The following ATM variants were observed in gnomAD, a reference collection of about 807,000 sequenced individuals.
ATM encodes the protein serine-protein kinase ATM.
Under a neutral mutation model 387.0 loss-of-function variants are expected in ATM, and 308 were observed. That is an observed-to-expected ratio of 0.80 (90% CI 0.73 to 0.87). The LOEUF is 0.87. Among genes scored for constraint, ATM ranks in the 40% least tolerant of loss-of-function variants. ATM has a pLI of 0.00. For synonymous variants in ATM, 1,156 were observed against 1,187.3 expected, an observed-to-expected ratio of 0.97 and a Z score of 0.54; for missense variants, 3,312 against 3,560.9, an observed-to-expected ratio of 0.93 and a Z score of 1.78.
At chr11:108,276,173 T>A (rs2081938357) in intron 22 of ATM, among the ~76,000 whole-genome samples, 1 of 152,244 alleles carries the variant, frequency 6.6e-6, no homozygotes, top group Admixed American at 6.5e-5. Flanking sequence ...TTGCGTATGC[T>A]TCACGATGTT....
intron 35 of ATM, among the ~76,000 whole-genome samples, chr11:108,302,214 C>T (rs1156353507): frequency 6.6e-6 from 1 of 152,054 alleles, no homozygotes; most frequent in African/African-American, 2.4e-5. Flanking sequence ...TCCCTTTTTC[C>T]ATGTTGATAT....
intron 59 of ATM, among the ~76,000 whole-genome samples, chr11:108,350,870 A>G (rs2089118822): frequency 6.6e-6 from 1 of 152,154 alleles, no homozygotes; most frequent in Non-Finnish European, 1.5e-5. Context: ...CCTTTGGAAT[A>G]TTGTTTGGCA....
intron 5 of ATM, among the ~76,000 whole-genome samples, chr11:108,237,410 G>A (rs2079331510): frequency 6.6e-6 from 1 of 151,930 alleles, no homozygotes; most frequent in African/African-American, 2.4e-5. Context: ...ACTATATTCT[G>A]TCATCTAGTT....
chr11:108,258,681 G>A (rs1231335173), intron 15 of ATM, among the ~76,000 whole-genome samples: 2 of 152,142 alleles, frequency 1.3e-5, no homozygotes, highest in Non-Finnish European at 2.9e-5. Flanking sequence ...GTTTTGTAAT[G>A]TGTTTTTCCT....
chr11:108,282,976 A>C, intron 25 of ATM, 97 bp downstream of exon 25: 1 of 768,202 alleles, frequency 1.3e-6, no homozygotes, highest in Non-Finnish European at 2.1e-6. Flanking sequence ...TACCATACCC[A>C]TACACATGTG....
intron 27 of ATM, 144 bp from the exon 28 acceptor site, chr11:108,288,833 T>G (rs991610209): frequency 1.1e-6 from 1 of 896,214 alleles, no homozygotes; most frequent in Non-Finnish European, 1.7e-6. Flanking sequence ...ATTTGTGATT[T>G]TATTGAAAGT....
intron 22 of ATM, among the ~76,000 whole-genome samples, chr11:108,273,487 G>A (rs1306735738): frequency 1.3e-5 from 2 of 151,268 alleles, no homozygotes; most frequent in Non-Finnish European, 2.9e-5. Context: ...GATTACAGGC[G>A]CCTGCCACCA....
chr11:108,239,475 T>G (rs1377699104), intron 5 of ATM, among the ~76,000 whole-genome samples: 1 of 152,218 alleles, frequency 6.6e-6, no homozygotes, highest in African/African-American at 2.4e-5. Flanking sequence ...TTTGTCAGAA[T>G]TTCACCCTTA....
At chr11:108,349,641 C>T (rs139136923) in intron 59 of ATM, among the ~76,000 whole-genome samples, 2,573 of 151,938 alleles carry the variant, frequency 0.017, 67 homozygotes, top group African/African-American at 0.059. Context: ...TCAGCCTGGG[C>T]GGCAGAGCAA....
intron 48 of ATM, 119 bp downstream of exon 48, chr11:108,327,877 A>G: frequency 2.3e-6 from 2 of 857,386 alleles, no homozygotes; most frequent in Non-Finnish European, 3.8e-6. Context: ...TCTATATATT[A>G]TTACTGTTGT....
At chr11:108,343,095 C>T (rs2136931080) in intron 56 of ATM, 127 bp from the exon 57 acceptor site, 1 of 1,228,622 alleles carries the variant, frequency 8.1e-7, no homozygotes, top group East Asian at 2.4e-5. Context: ...GCTTTGTCTT[C>T]TATGGACAGA....
chr11:108,303,122 C>A, intron 36 of ATM, 93 bp downstream of exon 36: 1 of 1,212,166 alleles, frequency 8.2e-7, no homozygotes, highest in Non-Finnish European at 1.2e-6. Context: ...CACATAATAT[C>A]ACCCCCACTC....
rs2080168708 is a variant in ATM at position 108,251,892 on chromosome 11, G to C, written c.1663G>C (p.Val555Leu). Residue 555 changes from valine (V) to leucine (L), a missense_variant, in exon 11 of 63, where the codon GTA (valine) becomes CTA (leucine). Transcript: ENST00000675843. ...ALTTSIVPGTVKMGIEQNMCE... is the reference protein window; with the variant it reads ...ALTTSIVPGTLKMGIEQNMCE... Reference sequence around the variant, plus strand: ...GACCACCAGTATAGTTCCAGGAACGGTAAAAATGGGAATAGAGCAAAATAT... The same window carrying C: ...GACCACCAGTATAGTTCCAGGAACGCTAAAAATGGGAATAGAGCAAAATAT... 1 of 1,613,904 alleles carries C rather than the reference G, an allele frequency of 6.2e-7. No individual in the cohort carries two copies. The highest frequency in any genetic ancestry group is 8.5e-7 in the Non-Finnish European group (1 of 1,179,832).
At position 108,287,550 on chromosome 11, in the gene ATM, C is replaced by T. The variant is rs753142634; in HGVS notation, c.3994-50C>T. 2.2e-5 allele frequency: 27 copies of T among 1,226,028 alleles called. 1 individual carries two copies. Among genetic ancestry groups the T allele is most frequent in the Admixed American group, 7.5e-5 (4 of 53,528 alleles). 75.9% of individuals were successfully genotyped at this position (1,226,028 alleles called of 1,614,324 possible). A position where few individuals can be genotyped will look rare whatever the true frequency, so the allele number is the denominator to read the frequency against. On this transcript the variant is annotated intron_variant, in intron 26 of 62. Coordinates refer to ENST00000675843, the MANE Select transcript of ATM (RefSeq NM_000051.4). ...ATATATGCCTTTTGAGCTGTCTTGA[C>T]GTTCACAGATATAAAATATTAAATA...
chr11:108,303,518 A>T (rs2083531364), intron 36 of ATM, among the ~76,000 whole-genome samples: 1 of 152,166 alleles, frequency 6.6e-6, no homozygotes. Flanking sequence ...AAAACAGCAT[A>T]CTATGATGCT....
intron 22 of ATM, among the ~76,000 whole-genome samples, chr11:108,274,345 TTG>T (rs139847855): frequency 0.54 from 81,258 of 151,542 alleles, 22,330 homozygotes; most frequent in Middle Eastern, 0.74. Flanking sequence ...AAGGTTTTTT[TTG>T]TGTGTGTGTG....
At position 108,257,626 on chromosome 11, in the gene ATM, GT is replaced by G. The variant is rs1565397661; in HGVS notation, c.2376+24del. The G allele has an allele frequency of 6.2e-7, 1 of 1,611,320 alleles. No homozygotes were observed. Among genetic ancestry groups the G allele is most frequent in the South Asian group, 1.1e-5 (1 of 91,044 alleles). On this transcript the variant is annotated intron_variant, in intron 15 of 62. Coordinates refer to ENST00000675843, the MANE Select transcript of ATM (RefSeq NM_000051.4). ...ACCAAGGTAAGATTTTCTTCTTCTT[GT>G]TTTGTTTTTTGAGATAGGATCTTTC...
Position 108,309,103 on chromosome 11 carries a change from C to T in ATM, c.5763-1057C>T, listed in dbSNP as rs1025968873. On this transcript the variant is annotated intron_variant, in intron 38 of 62. Coordinates refer to ENST00000675843, the MANE Select transcript of ATM (RefSeq NM_000051.4). ...AAAGTATGAATGGGATATAGAAAAA[C>T]GGGTAAAGACATGCATTCAAGTCCA... The T allele has an allele frequency of 2.5e-5, 32 of 1,263,934 alleles. No homozygotes were observed. Among genetic ancestry groups the T allele is most frequent in the Admixed American group, 4.0e-5 (2 of 50,468 alleles). The allele number at this position is 1,263,934 out of a possible 1,614,324, so 78.3% of individuals were successfully genotyped here. A position where few individuals can be genotyped will look rare whatever the true frequency, so the allele number is the denominator to read the frequency against.
chr11:108,286,312 C>CAA (rs34917552), intron 26 of ATM, among the ~76,000 whole-genome samples: 23 of 47,196 alleles, frequency 4.9e-4, no homozygotes, highest in African/African-American at 1.3e-3. Flanking sequence ...GATTTCGTCT[C>CAA]AAAAAAAAAA....
Sources: gnomAD v4.1 joint callset for allele counts (sites outside exome capture counted in the v4.1 genomes callset) on GRCh38, gnomAD v4.1.1 for gene constraint, MANE v1.5 for transcripts, NCBI Gene and HGNC (gene_info 2026-07-23, HGNC 2026-07-21) for gene names.